The following TMEM123 variants were observed in gnomAD, a reference collection of about 807,000 sequenced individuals.
The protein encoded by TMEM123 is transmembrane protein 123.
In TMEM123, 16 loss-of-function variants were observed where a neutral mutation model predicts 19.7. That is an observed-to-expected ratio of 0.81 (90% CI 0.55 to 1.23). The LOEUF (loss-of-function observed/expected upper bound fraction) is 1.23, where lower values mean the gene tolerates loss of function less well. TMEM123 is among the 50% of genes most tolerant of loss of function. TMEM123 has a pLI of 0.00. For missense variants in TMEM123, 313 were observed against 257.8 expected, an observed-to-expected ratio of 1.21 and a Z score of -1.47; for synonymous variants, 118 against 99.4, an observed-to-expected ratio of 1.19 and a Z score of -1.12.
rs112504970 is a variant in TMEM123 at position 102,410,823 on chromosome 11, C to A, written c.158-8617G>T. The stretch of plus-strand genomic sequence containing the variant: ...TGGTCTAGTAAGGACAAGAAGGAAA[C>A]AACACAGTTACAATATGTATGCCAG... On this transcript the variant is annotated intron_variant, in intron 2 of 4. Coordinates refer to ENST00000398136, the MANE Select transcript of TMEM123 (RefSeq NM_052932.3). Among the ~76,000 whole-genome samples the A allele has an allele frequency of 7.2e-4, 110 of 152,252 alleles. 1 individual carries two copies. The highest frequency in any genetic ancestry group is 2.6e-3 in the African/African-American group (106 of 41,556).
rs2436036 is a variant in TMEM123, at chr11:102,452,429, C to T, written c.100+95G>A. The T allele has an allele frequency of 0.85, 935,978 of 1,097,908 alleles. 400,627 individuals are homozygous for T. Among genetic ancestry groups the T allele is most frequent in the East Asian group, 0.99 (30,910 of 31,070 alleles). The allele number at this position is 1,097,908 out of a possible 1,614,324, so 68.0% of individuals were successfully genotyped here. A position where few individuals can be genotyped will look rare whatever the true frequency, so the allele number is the denominator to read the frequency against. ...CCCCGAGCGTTCGGCCAGACACACG[C>T]GGAACTTTCTGTACCAGAGCCCAAC... On this transcript the variant is annotated intron_variant, in intron 1 of 4. Coordinates refer to ENST00000398136, the MANE Select transcript of TMEM123 (RefSeq NM_052932.3).
intron 2 of TMEM123, among the ~76,000 whole-genome samples, chr11:102,413,005 A>G (rs1952017263): frequency 1.3e-5 from 2 of 152,200 alleles, no homozygotes; most frequent in South Asian, 2.1e-4. Flanking sequence ...TAATTTAAAA[A>G]TATTTTGATA....
At chr11:102,419,416 G>A (rs1261717431) in intron 2 of TMEM123, among the ~76,000 whole-genome samples, 1 of 152,124 alleles carries the variant, frequency 6.6e-6, no homozygotes, top group Non-Finnish European at 1.5e-5. Flanking sequence ...AGGCAAGAAA[G>A]GTTCCTTCAC....
intron 2 of TMEM123, among the ~76,000 whole-genome samples, chr11:102,404,048 C>T (rs1013053236): frequency 3.9e-5 from 6 of 152,118 alleles, no homozygotes; most frequent in African/African-American, 1.2e-4. Context: ...TATAGCAACA[C>T]AAAATGTACT....
At chr11:102,411,695 A>AAC in intron 2 of TMEM123, among the ~76,000 whole-genome samples, 2 of 152,256 alleles carry the variant, frequency 1.3e-5, no homozygotes, top group African/African-American at 4.8e-5. Flanking sequence ...AAAAAAAAAA[A>AAC]ACACACATCT....
chr11:102,447,598 A>G (rs889990916), intron 2 of TMEM123, among the ~76,000 whole-genome samples: 1 of 152,238 alleles, frequency 6.6e-6, no homozygotes, highest in African/African-American at 2.4e-5. Flanking sequence ...GTAGTGCAGA[A>G]TTAGATTCAA....
intron 2 of TMEM123, among the ~76,000 whole-genome samples, chr11:102,441,016 C>T (rs1400512130): frequency 6.6e-6 from 1 of 152,114 alleles, no homozygotes; most frequent in Non-Finnish European, 1.5e-5. Flanking sequence ...TATATGCACC[C>T]AATACAGGAG....
intron 4 of TMEM123, among the ~76,000 whole-genome samples, chr11:102,401,160 T>A (rs1951909098): frequency 1.3e-5 from 2 of 152,250 alleles, no homozygotes; most frequent in East Asian, 3.9e-4. Flanking sequence ...AGCCATGGTT[T>A]TACCAAGGAT....
intron 2 of TMEM123, among the ~76,000 whole-genome samples, chr11:102,409,700 C>T (rs1383337122): frequency 1.3e-5 from 2 of 152,004 alleles, no homozygotes; most frequent in African/African-American, 4.8e-5. Context: ...ATGGTGAAAC[C>T]TTGTCTCTAC....
At chr11:102,430,939 A>C (rs116567971) in intron 2 of TMEM123, among the ~76,000 whole-genome samples, 190 of 152,340 alleles carry the variant, frequency 1.2e-3, no homozygotes, top group African/African-American at 4.3e-3. Flanking sequence ...AGGGACCACT[A>C]AACTAGTGAA....
chr11:102,447,208 A>G (rs1328819859), intron 2 of TMEM123, among the ~76,000 whole-genome samples: 1 of 152,226 alleles, frequency 6.6e-6, no homozygotes, highest in Non-Finnish European at 1.5e-5. Context: ...ATTTGAAATC[A>G]TCCCACTGAC....
intron 2 of TMEM123, among the ~76,000 whole-genome samples, chr11:102,408,118 G>T (rs1337354527): frequency 6.6e-6 from 1 of 151,958 alleles, no homozygotes; most frequent in East Asian, 1.9e-4. Context: ...AGAGATATAA[G>T]AACTTCTCTA....
intron 2 of TMEM123, among the ~76,000 whole-genome samples, chr11:102,425,343 G>A (rs1211810505): frequency 1.3e-5 from 2 of 152,208 alleles, no homozygotes; most frequent in Non-Finnish European, 2.9e-5. Context: ...CCACTGTTAT[G>A]AACACGAGCA....
intron 4 of TMEM123, 143 bp from the exon 5 acceptor site, chr11:102,399,034 A>C (rs1951886464): frequency 2.9e-6 from 2 of 696,756 alleles, no homozygotes; most frequent in African/African-American, 1.8e-5. Context: ...AAGTTCCTTA[A>C]GTATCCAATA....
chr11:102,397,978 A>G lies in TMEM123; in HGVS notation c.*889T>C, dbSNP rs189497747. Reference sequence around the variant, plus strand: ...TGAAAGCAGCTCTACAGTTCTTAAAATATTCACAAAATATAAAATTAAAAT... The same window carrying G: ...TGAAAGCAGCTCTACAGTTCTTAAAGTATTCACAAAATATAAAATTAAAAT... On this transcript the variant is annotated 3_prime_UTR_variant, in exon 5 of 5. Coordinates refer to ENST00000398136, the MANE Select transcript of TMEM123 (RefSeq NM_052932.3). The G allele has an allele frequency of 7.2e-5, 11 of 152,340 alleles. No homozygotes were observed. Among genetic ancestry groups the G allele is most frequent in the Admixed American group, 3.9e-4 (6 of 15,304 alleles). The allele number at this position is 152,340 out of a possible 1,614,324, so 9.4% of individuals were successfully genotyped here.
intron 3 of TMEM123, 102 bp from the exon 4 acceptor site, chr11:102,401,794 G>A (rs972944618): frequency 1.3e-5 from 20 of 1,486,542 alleles, no homozygotes; most frequent in Non-Finnish European, 1.7e-5. Flanking sequence ...ATTTAATTAG[G>A]AATTAAGGGA....
At chr11:102,418,033 C>A (rs1332214938) in intron 2 of TMEM123, among the ~76,000 whole-genome samples, 1 of 149,304 alleles carries the variant, frequency 6.7e-6, no homozygotes, top group African/African-American at 2.5e-5. Context: ...AAACCTAAAA[C>A]TATAAAAACC....
At chr11:102,415,857 A>G (rs1952040402) in intron 2 of TMEM123, among the ~76,000 whole-genome samples, 1 of 152,092 alleles carries the variant, frequency 6.6e-6, no homozygotes, top group Non-Finnish European at 1.5e-5. Flanking sequence ...GAGATGTGAA[A>G]AAACATACAA....
chr11:102,440,233 A>G (rs1857810145), intron 2 of TMEM123, among the ~76,000 whole-genome samples: 1 of 152,232 alleles, frequency 6.6e-6, no homozygotes, highest in African/African-American at 2.4e-5. Context: ...GAACAACTCC[A>G]GGACACATAA....
Sources: allele counts gnomAD v4.1 joint callset (sites outside exome capture counted in the v4.1 genomes callset), GRCh38; gene constraint gnomAD v4.1.1; transcripts MANE v1.5; gene names NCBI Gene and HGNC (gene_info 2026-07-23, HGNC 2026-07-21).